Variants in TRAF7 observed in about 807,000 individuals in gnomAD.
TRAF7 encodes the protein TNF receptor associated factor 7.
In TRAF7, 45 loss-of-function variants were observed where a neutral mutation model predicts 89.3. That is an observed-to-expected ratio of 0.50 (90% CI 0.40 to 0.65). TRAF7 has a LOEUF of 0.65. TRAF7 is among the 30% of genes least tolerant of loss of function. The pLI is 0.00. For synonymous variants in TRAF7, 406 were observed against 369.2 expected, an observed-to-expected ratio of 1.10 and a Z score of -1.14; for missense variants, 677 against 918.1, an observed-to-expected ratio of 0.74 and a Z score of 3.39.
At position 2,158,773 on chromosome 16, in the gene TRAF7, G is replaced by GC. The variant is rs920170110; in HGVS notation, c.-39+2915_-39+2916insC. ...ACTGGGAAGCGTGGGCTCGGCGGGG[G>GC]GGGGGGGGACACTGCCACCCTTGGC... On this transcript the variant is annotated intron_variant, in intron 1 of 20. Coordinates refer to ENST00000326181, the MANE Select transcript of TRAF7 (RefSeq NM_032271.3). This position sits in a 1 kb window ranked among gnomAD's most constrained non-coding sequence, Gnocchi z 4.7. Among the ~76,000 whole-genome samples the GC allele has an allele frequency of 7.3e-4, 110 of 151,438 alleles. 5 individuals are homozygous for GC. The highest frequency in any genetic ancestry group is 1.2e-3 in the Non-Finnish European group (84 of 67,664).
At chr16:2,165,202 A>T (rs9940395) in intron 2 of TRAF7, among the ~76,000 whole-genome samples, 48 of 44,406 alleles carry the variant, frequency 1.1e-3, no homozygotes, top group East Asian at 8.2e-3. Flanking sequence ...TGAGTGCTGC[A>T]TGGCCTGGCC....
intron 12 of TRAF7, 23 bp downstream of exon 12, chr16:2,173,859 T>TTGGGGGCCCCCCCCC: frequency 1.6e-6 from 2 of 1,246,208 alleles, no homozygotes; most frequent in Non-Finnish European, 2.2e-6. Flanking sequence ...CCGCCGTGGC[T>TTGGGGGCCCCCCCCC]CCCGCCCACC....
rs1370059488 is a variant in TRAF7, at chr16:2,175,592, C to T, written c.1596C>T (p.Tyr532=). 5.3e-5 allele frequency: 85 copies of T among 1,612,648 alleles called. No homozygotes were observed. Among genetic ancestry groups the T allele is most frequent in the Non-Finnish European group, 7.1e-5 (84 of 1,179,954 alleles). ...GGGCCCTGGTGGCTGCCCAGAGCTA[C>T]CTGTACAGCGGCTCCTACCAGACAA... ...WVRALVAAQS[Y]LYSGSYQTIK... Residue 532 remains tyrosine (Y), a synonymous_variant, in exon 17 of 21, where the codon TAC becomes TAT. Coordinates refer to ENST00000326181, the MANE Select transcript of TRAF7 (RefSeq NM_032271.3).
At chr16:2,156,901 C>T (rs1417984375) in intron 1 of TRAF7, among the ~76,000 whole-genome samples, 1 of 152,162 alleles carries the variant, frequency 6.6e-6, no homozygotes, top group Non-Finnish European at 1.5e-5. Flanking sequence ...GTCTCCTAGT[C>T]CCCACTGGGG....
intron 2 of TRAF7, among the ~76,000 whole-genome samples, 158 bp downstream of exon 2, chr16:2,164,159 TGCGCGCGC>T (rs61245743): frequency 0.019 from 2,436 of 126,120 alleles, 39 homozygotes; most frequent in East Asian, 0.09. Context: ...TGTGTGTGTG[TGCGCGCGC>T]GCGCGCGCGC....
At chr16:2,174,128 T>C in intron 13 of TRAF7, 80 bp downstream of exon 13, 1 of 1,603,996 alleles carries the variant, frequency 6.2e-7, no homozygotes, top group East Asian at 2.2e-5. Context: ...AGCCTGCCTA[T>C]GGGTGGGACC....
intron 6 of TRAF7, 106 bp downstream of exon 6, chr16:2,171,462 T>A (rs1293491382): frequency 6.4e-7 from 1 of 1,562,974 alleles, no homozygotes; most frequent in African/African-American, 1.4e-5. Context: ...TCAAGGCCTG[T>A]CCTGGCTGCA....
In TRAF7 at chr16:2,176,326, C is replaced by T. The variant is rs755600713; in HGVS notation, c.1940C>T (p.Thr647Ile). ...CTGCTGCGTCACCAGGGCAGTGTCACCGCGCTGGCTGTGTCCCGGGGCCGA... is the reference window on the plus strand; with the variant it reads ...CTGCTGCGTCACCAGGGCAGTGTCATCGCGCTGGCTGTGTCCCGGGGCCGA... ...QTLLRHQGSV[T>I]ALAVSRGRLF... is the part of the protein sequence containing the mutation. The change falls in exon 20 of 21, where the codon ACC (threonine) becomes ATC (isoleucine). Residue 647 changes from threonine to isoleucine, a missense_variant. Around this residue, in one of 6 missense-constraint regions of TRAF7, gnomAD observed 23 missense variants for 31.7 expected, o/e 0.73. Coordinates refer to ENST00000326181, the MANE Select transcript of TRAF7 (RefSeq NM_032271.3). 8 of 1,604,462 alleles carry T rather than the reference C, an allele frequency of 5.0e-6. No individual in the cohort carries two copies. Among genetic ancestry groups the T allele is most frequent in the Non-Finnish European group, 5.9e-6 (7 of 1,178,386 alleles).
rs893360354 is a variant in TRAF7, at chr16:2,163,808, A to G, written c.-38-75A>G. The G allele has an allele frequency of 3.0e-6, 3 of 991,490 alleles. No homozygotes were observed. The highest frequency in any genetic ancestry group is 1.6e-5 in the African/African-American group (1 of 62,326). 61.4% of individuals were successfully genotyped at this position (991,490 alleles called of 1,614,324 possible). ...ACGGTGCCCCACAGCAGGTCTGCACACTTGCAGCAGCCCGTCTGACTCACA... is the reference window on the plus strand; with the variant it reads ...ACGGTGCCCCACAGCAGGTCTGCACGCTTGCAGCAGCCCGTCTGACTCACA... On this transcript the variant is annotated intron_variant, in intron 1 of 20. Coordinates refer to ENST00000326181, the MANE Select transcript of TRAF7 (RefSeq NM_032271.3). This position sits in a 1 kb window ranked among gnomAD's most constrained non-coding sequence, Gnocchi z 4.3.
Position 2,161,926 on chromosome 16 carries a change from G to C in TRAF7, c.-38-1957G>C, listed in dbSNP as rs770361515. Among the ~76,000 whole-genome samples, 8 of 152,222 alleles carry C rather than the reference G, an allele frequency of 5.3e-5. No homozygotes were observed. The highest frequency in any genetic ancestry group is 1.0e-4 in the Non-Finnish European group (7 of 68,032). On this transcript the variant is annotated intron_variant, in intron 1 of 20. Transcript: ENST00000326181. The surrounding 1 kb of genome is among the most constrained non-coding windows in gnomAD (Gnocchi z 5.2). ...GCTGACTCCTCTGAGCCTGGCTGCA[G>C]GTGTGTGGCACTGCCCACACTCAGG...
chr16:2,156,127 A>T (rs1264233801), intron 1 of TRAF7, among the ~76,000 whole-genome samples: 1 of 151,312 alleles, frequency 6.6e-6, no homozygotes, highest in East Asian at 2.0e-4. Context: ...ATTCCCCGAG[A>T]CTCCCGGGTG....
At chr16:2,173,654 C>G in intron 11 of TRAF7, 100 bp downstream of exon 11, 1 of 1,574,628 alleles carries the variant, frequency 6.4e-7, no homozygotes, top group Non-Finnish European at 8.7e-7. Flanking sequence ...TAGTCAAGAT[C>G]AGGGGTCTTG....
chr16:2,176,235 G>A (rs201487653), intron 19 of TRAF7, 30 bp from the exon 20 acceptor site: 85 of 1,600,356 alleles, frequency 5.3e-5, no homozygotes, highest in African/African-American at 6.7e-5. Context: ...GCTGAGCTCC[G>A]GCGGGCCCTC....
At chr16:2,170,410 C>T (rs1041974866) in intron 4 of TRAF7, among the ~76,000 whole-genome samples, 1 of 152,240 alleles carries the variant, frequency 6.6e-6, no homozygotes, top group Non-Finnish European at 1.5e-5. Context: ...CGGCCCAGGC[C>T]GCCCAGGCGG....
chr16:2,164,094 CCGT>C, intron 2 of TRAF7, 93 bp downstream of exon 2: 4 of 1,227,778 alleles, frequency 3.3e-6, no homozygotes, highest in Non-Finnish European at 4.5e-6. Context: ...CAGCGCAGTC[CCGT>C]CCCGAGCTGG....
chr16:2,164,175 CGCGCGCACGCGTGCGT>C (rs1458115800), intron 2 of TRAF7, among the ~76,000 whole-genome samples, 174 bp downstream of exon 2: 7 of 119,592 alleles, frequency 5.9e-5, no homozygotes, highest in Admixed American at 1.6e-4. Context: ...CGCGCGCGCG[CGCGCGCACGCGTGCGT>C]GTGTGGTTGG....
chr16:2,171,238 C>A, intron 5 of TRAF7, 26 bp from the exon 6 acceptor site: 1 of 1,532,192 alleles, frequency 6.5e-7, no homozygotes, highest in Non-Finnish European at 8.8e-7. Flanking sequence ...CTCCCGCCAT[C>A]GCCTGCCTTT....
rs1408039354 is a variant in TRAF7, at chr16:2,176,811, C to T, written c.*237C>T. Reference sequence around the variant, plus strand: ...AGGTACGACGCTTGCCCCGGCCCACCCTCCATCCCCACCCTCCATCCCCAC... The same window carrying T: ...AGGTACGACGCTTGCCCCGGCCCACTCTCCATCCCCACCCTCCATCCCCAC... On this transcript the variant is annotated 3_prime_UTR_variant, in exon 21 of 21. Transcript: ENST00000326181. The T allele has an allele frequency of 1.6e-6, 1 of 622,760 alleles. No individual in the cohort carries two copies. The highest frequency in any genetic ancestry group is 2.8e-5 in the East Asian group (1 of 36,238). 38.6% of individuals were successfully genotyped at this position (622,760 alleles called of 1,614,324 possible).
Position 2,176,377 on chromosome 16 carries a change from C to G in TRAF7, c.1991C>G (p.Thr664Ser). The change falls in exon 20 of 21, where the codon ACT (threonine) becomes AGT (serine). Residue 664 changes from threonine to serine, a missense_variant. Around this residue, in one of 6 missense-constraint regions of TRAF7, gnomAD observed 23 missense variants for 31.7 expected, o/e 0.73. Transcript: ENST00000326181. ...GRLFSGAVDSTVKVWTC is the reference protein window; with the variant it reads ...GRLFSGAVDSSVKVWTC ...CTCTTCTCAGGGGCTGTGGATAGCA[C>G]TGTGAAGGTCAGTGCCCGTGGCTCA... The G allele has an allele frequency of 1.9e-6, 3 of 1,608,506 alleles. No individual in the cohort carries two copies. The highest frequency in any genetic ancestry group is 2.5e-6 in the Non-Finnish European group (3 of 1,179,080).
Sources: allele counts gnomAD v4.1 joint callset (sites outside exome capture counted in the v4.1 genomes callset), GRCh38; gene constraint gnomAD v4.1.1; regional missense constraint gnomAD v4.1.1; non-coding constraint Gnocchi (gnomAD v3.1); transcripts MANE v1.5; gene names NCBI Gene and HGNC (gene_info 2026-07-23, HGNC 2026-07-21).